EYA4: variants seen among roughly 807,000 people sequenced by gnomAD.
The protein encoded by EYA4 is EYA transcriptional coactivator and phosphatase 4.
Under a neutral mutation model 87.9 loss-of-function variants are expected in EYA4, and 31 were observed. The ratio of observed to expected loss-of-function variants is 0.35; its 90% confidence interval spans 0.27 to 0.48. EYA4 has a LOEUF of 0.48. EYA4 is among the 20% of genes least tolerant of loss of function. The pLI, the probability that EYA4 is intolerant of heterozygous loss-of-function variation, is 0.99. For missense variants in EYA4, 678 were observed against 761.4 expected (o/e 0.89, Z 1.29); for synonymous variants, 263 against 270.6 (o/e 0.97, Z 0.28).
At chr6:133,495,318 A>G (rs370029676) in intron 13 of EYA4, among the ~76,000 whole-genome samples, 2 of 150,808 alleles carry the variant, frequency 1.3e-5, no homozygotes. Context: ...TACACCTACT[A>G]TGTACCCACA....
chr6:133,268,622 G>A (rs1236490860), intron 1 of EYA4, among the ~76,000 whole-genome samples: 4 of 152,144 alleles, frequency 2.6e-5, no homozygotes, highest in Non-Finnish European at 4.4e-5. Flanking sequence ...AACTATTTGC[G>A]TGCATCATTT....
intron 1 of EYA4, among the ~76,000 whole-genome samples, chr6:133,249,175 C>T (rs1224832040): frequency 6.6e-6 from 1 of 152,018 alleles, no homozygotes; most frequent in Non-Finnish European, 1.5e-5. Context: ...TTATTGTATT[C>T]TTATATTTTT....
In EYA4 at chr6:133,308,274, T is replaced by G. The variant is rs899021031; in HGVS notation, c.33+33461T>G. 1.3e-4 allele frequency among the ~76,000 whole-genome samples: 20 copies of G among 152,186 alleles called. 1 individual carries two copies. The highest frequency in any genetic ancestry group is 2.9e-5 in the Non-Finnish European group (2 of 68,028). On this transcript the variant is annotated intron_variant, in intron 2 of 19. Transcript: ENST00000355286. ...GCAATGCAGGCATTATTCCTGTTTT[T>G]ACAGATGATATAGCTAGGATCAGAG...
rs1004096639 is a variant in EYA4 at position 133,244,892 on chromosome 6, A to G, written c.-66+3143A>G. On this transcript the variant is annotated intron_variant, in intron 1 of 19. Transcript: ENST00000355286. ...AAGATAGAATGACAGAAAGACGATG[A>G]CTATTGTTATAAAAAGTTAGAATGT... is the stretch of plus-strand genomic sequence containing the variant. Among the ~76,000 whole-genome samples, 6 of 152,134 alleles carry G rather than the reference A, an allele frequency of 3.9e-5. No homozygotes were observed. In the East Asian group the frequency reaches 9.6e-4, roughly 24 times the overall value.
chr6:133,522,169 G>GT (rs11301951), intron 17 of EYA4, among the ~76,000 whole-genome samples: 24,547 of 130,988 alleles, frequency 0.19, 2,708 homozygotes, highest in African/African-American at 0.3. Flanking sequence ...TGGTAGAGTA[G>GT]TTTTTTTTTT....
intron 2 of EYA4, among the ~76,000 whole-genome samples, chr6:133,306,220 G>A (rs748505283): frequency 5.9e-5 from 9 of 152,270 alleles, no homozygotes; most frequent in Non-Finnish European, 1.2e-4. Flanking sequence ...GATACTTACC[G>A]CGGTAAGTGG....
chr6:133,474,337 C>T (rs1483885894), intron 11 of EYA4, among the ~76,000 whole-genome samples: 1 of 151,960 alleles, frequency 6.6e-6, no homozygotes, highest in African/African-American at 2.4e-5. Context: ...GGTTACTTTC[C>T]TTATTAGAAT....
chr6:133,420,804 T>C (rs1790153950), intron 3 of EYA4, among the ~76,000 whole-genome samples: 1 of 152,210 alleles, frequency 6.6e-6, no homozygotes, highest in Non-Finnish European at 1.5e-5. Context: ...ATAGAGTTGA[T>C]GTTTGTCATG....
At chr6:133,411,933 T>C (rs887747447) in intron 3 of EYA4, among the ~76,000 whole-genome samples, 2 of 152,244 alleles carry the variant, frequency 1.3e-5, no homozygotes, top group East Asian at 1.9e-4. Context: ...GCTTATACCA[T>C]TGAAAAGTCA....
chr6:133,406,189 A>T (rs1788695606), intron 3 of EYA4, among the ~76,000 whole-genome samples: 1 of 152,212 alleles, frequency 6.6e-6, no homozygotes, highest in Admixed American at 6.5e-5. Flanking sequence ...TATCTTAGGT[A>T]TTTTAAGGAA....
chr6:133,376,427 C>T (rs1345228215), intron 2 of EYA4, among the ~76,000 whole-genome samples: 1 of 151,762 alleles, frequency 6.6e-6, no homozygotes, highest in African/African-American at 2.4e-5. Flanking sequence ...ATGCTCATTT[C>T]AAAACAAAAT....
At chr6:133,273,627 A>G (rs181000268) in intron 1 of EYA4, among the ~76,000 whole-genome samples, 299 of 152,334 alleles carry the variant, frequency 2.0e-3, no homozygotes, top group African/African-American at 6.5e-3. Context: ...ATGATGAACA[A>G]CTTTTTAAAT....
At chr6:133,465,826 CAGAA>C (rs1794790299) in intron 10 of EYA4, among the ~76,000 whole-genome samples, 1 of 151,904 alleles carries the variant, frequency 6.6e-6, no homozygotes, top group Admixed American at 6.6e-5. Context: ...TCACAAAAGG[CAGAA>C]AGGAAATTTT....
chr6:133,484,348 T>G (rs1436392460), intron 13 of EYA4, among the ~76,000 whole-genome samples: 1 of 152,254 alleles, frequency 6.6e-6, no homozygotes, highest in African/African-American at 2.4e-5. Flanking sequence ...TTTGTCTATA[T>G]TAAGCTATAT....
At chr6:133,514,787 G>A (rs776764439) in intron 16 of EYA4, among the ~76,000 whole-genome samples, 30 of 152,016 alleles carry the variant, frequency 2.0e-4, no homozygotes, top group Non-Finnish European at 2.6e-4. Context: ...TTTTTACATA[G>A]CAAAGTATTT....
chr6:133,492,525 C>T (rs945227897), intron 13 of EYA4, among the ~76,000 whole-genome samples: 5 of 152,252 alleles, frequency 3.3e-5, no homozygotes, highest in African/African-American at 7.2e-5. Context: ...AATTGAAAAC[C>T]GTTCCTCTAA....
At chr6:133,393,785 C>T (rs1787511563) in intron 3 of EYA4, among the ~76,000 whole-genome samples, 1 of 152,178 alleles carries the variant, frequency 6.6e-6, no homozygotes, top group Non-Finnish European at 1.5e-5. Context: ...TGATCCCCAA[C>T]CAGGAACACC....
chr6:133,246,116 A>G (rs1358567044), intron 1 of EYA4, among the ~76,000 whole-genome samples: 2 of 152,226 alleles, frequency 1.3e-5, no homozygotes, highest in African/African-American at 2.4e-5. Context: ...AGTTTCAGAG[A>G]GTGCACCTCT....
intron 3 of EYA4, among the ~76,000 whole-genome samples, chr6:133,385,391 CTGTGTGTGTG>C (rs66881281): frequency 0.041 from 4,723 of 115,268 alleles, 164 homozygotes; most frequent in East Asian, 0.13. Flanking sequence ...TATGCTCTCT[CTGTGTGTGTG>C]TGTGTGTGTG....
Sources: gnomAD v4.1 joint callset for allele counts (sites outside exome capture counted in the v4.1 genomes callset) on GRCh38, gnomAD v4.1.1 for gene constraint, MANE v1.5 for transcripts, NCBI Gene and HGNC (gene_info 2026-07-23, HGNC 2026-07-21) for gene names.